Variants in DOCK1 observed in about 807,000 individuals in gnomAD.
DOCK1 encodes dedicator of cytokinesis 1.
In DOCK1, 138 loss-of-function variants were observed where a neutral mutation model predicts 262.7. That is an observed-to-expected ratio of 0.53 (90% confidence interval 0.46 to 0.61). The LOEUF (loss-of-function observed/expected upper bound fraction) is 0.61, where lower values mean the gene tolerates loss of function less well. Ranked by LOEUF, DOCK1 falls within the 20% of genes least tolerant of loss-of-function variation. The pLI, the probability that DOCK1 is intolerant of heterozygous loss-of-function variation, is 0.00. For missense variants in DOCK1, 1,908 were observed against 2,370.7 expected (o/e 0.80, Z 4.05); for synonymous variants, 866 against 867.4 (o/e 1.00, Z 0.03).
At position 127,376,380 on chromosome 10, in the gene DOCK1, T is replaced by C. The variant is rs182598566; in HGVS notation, c.3675+2166T>C. On this transcript the variant is annotated intron_variant, in intron 35 of 51. Coordinates refer to ENST00000623213, the MANE Select transcript of DOCK1 (RefSeq NM_001290223.2). ...ATGCATCATGTGTCTTAGGCTACTG[T>C]AGAAATTACTGGTCTCTGATGTCTG... is the stretch of plus-strand genomic sequence containing the variant. Among the ~76,000 whole-genome samples, 198 of 152,334 alleles carry C rather than the reference T, an allele frequency of 1.3e-3. 1 individual carries two copies. The highest frequency in any genetic ancestry group is 4.1e-3 in the African/African-American group (169 of 41,578).
intron 42 of DOCK1, among the ~76,000 whole-genome samples, chr10:127,410,264 G>T (rs1217628852): frequency 6.6e-6 from 1 of 152,168 alleles, no homozygotes; most frequent in Non-Finnish European, 1.5e-5. Flanking sequence ...GAGGCCTTAA[G>T]CAAATAGTGA....
intron 38 of DOCK1, among the ~76,000 whole-genome samples, chr10:127,398,064 G>T (rs2067019292): frequency 6.6e-6 from 1 of 152,186 alleles, no homozygotes; most frequent in Non-Finnish European, 1.5e-5. Context: ...TGAAGTGGCT[G>T]ATCCATCTTG....
intron 27 of DOCK1, among the ~76,000 whole-genome samples, chr10:127,205,491 T>C (rs536212665): frequency 1.3e-5 from 2 of 152,316 alleles, no homozygotes; most frequent in South Asian, 4.1e-4. Flanking sequence ...AGATTAAAGC[T>C]GAACTCAGAC....
intron 23 of DOCK1, among the ~76,000 whole-genome samples, chr10:127,083,213 A>G (rs553405530): frequency 6.5e-4 from 99 of 152,330 alleles, no homozygotes; most frequent in African/African-American, 2.2e-3. Flanking sequence ...ACAGGTTCCA[A>G]CACTTTCTGG....
chr10:127,274,872 G>C (rs2489407), intron 29 of DOCK1, among the ~76,000 whole-genome samples: 46,311 of 151,984 alleles, frequency 0.3, 8,240 homozygotes, highest in South Asian at 0.55. Flanking sequence ...TGTGGGGTAG[G>C]GTGTGCTTTG....
intron 7 of DOCK1, chr10:126,997,856 A>T: frequency 2.0e-6 from 1 of 504,804 alleles, no homozygotes. Context: ...GACACCTGAA[A>T]GTTTTGTATC....
At chr10:127,383,785 G>A (rs999937609) in intron 37 of DOCK1, among the ~76,000 whole-genome samples, 9 of 152,214 alleles carry the variant, frequency 5.9e-5, no homozygotes, top group Non-Finnish European at 1.3e-4. Flanking sequence ...CTCTCCTAGG[G>A]CCAGCAATAA....
chr10:126,921,916 GAA>G (rs2033239848), intron 1 of DOCK1, among the ~76,000 whole-genome samples: 1 of 151,950 alleles, frequency 6.6e-6, no homozygotes, highest in African/African-American at 2.4e-5. Context: ...TAATTTATAA[GAA>G]AAGAGGTATA....
chr10:126,977,511 A>G (rs981285139), intron 2 of DOCK1, among the ~76,000 whole-genome samples: 1 of 152,082 alleles, frequency 6.6e-6, no homozygotes, highest in Non-Finnish European at 1.5e-5. Flanking sequence ...TTCTCTCTCA[A>G]TGGGTTTTCT....
At chr10:127,056,764 G>T (rs1203744856) in intron 22 of DOCK1, among the ~76,000 whole-genome samples, 1 of 152,116 alleles carries the variant, frequency 6.6e-6, no homozygotes, top group Admixed American at 6.5e-5. Context: ...TCATTCCTGA[G>T]GGGAGAGAAG....
intron 23 of DOCK1, among the ~76,000 whole-genome samples, chr10:127,075,686 A>G (rs2046488233): frequency 6.6e-6 from 1 of 152,096 alleles, no homozygotes; most frequent in Non-Finnish European, 1.5e-5. Context: ...AGTGACACAC[A>G]CTTTAAACCA....
At chr10:127,116,871 C>G (rs936158632) in intron 25 of DOCK1, among the ~76,000 whole-genome samples, 15 of 152,172 alleles carry the variant, frequency 9.9e-5, no homozygotes, top group African/African-American at 3.4e-4. Flanking sequence ...CTGATGACTT[C>G]TGATGAACGG....
At chr10:127,042,845 T>C (rs1351083476) in intron 20 of DOCK1, 131 bp downstream of exon 20, 7 of 992,930 alleles carry the variant, frequency 7.0e-6, no homozygotes, top group Non-Finnish European at 1.1e-5. Flanking sequence ...CAATCAGAGA[T>C]GAATTGGGGT....
At chr10:127,431,186 AC>A (rs1258670672) in intron 47 of DOCK1, among the ~76,000 whole-genome samples, 1 of 152,162 alleles carries the variant, frequency 6.6e-6, no homozygotes, top group Non-Finnish European at 1.5e-5. Context: ...CACCAGCCCT[AC>A]TTTCAGTCAC....
intron 1 of DOCK1, among the ~76,000 whole-genome samples, chr10:126,941,616 C>A (rs1462789178): frequency 6.6e-6 from 1 of 152,056 alleles, no homozygotes; most frequent in African/African-American, 2.4e-5. Flanking sequence ...ATTAGCCAGG[C>A]GTGGTGGCGG....
At chr10:127,385,713 G>A (rs373940934) in intron 38 of DOCK1, among the ~76,000 whole-genome samples, 6 of 152,294 alleles carry the variant, frequency 3.9e-5, no homozygotes, top group South Asian at 2.1e-4. Flanking sequence ...TGGCGTGGCC[G>A]CCCCCTCTGA....
At chr10:127,177,812 A>C (rs1237100235) in intron 27 of DOCK1, among the ~76,000 whole-genome samples, 1 of 152,230 alleles carries the variant, frequency 6.6e-6, no homozygotes, top group African/African-American at 2.4e-5. Flanking sequence ...CTGCTCGTTC[A>C]CATACAGAAT....
At chr10:127,029,781 G>A (rs184722434) in intron 16 of DOCK1, among the ~76,000 whole-genome samples, 63 of 152,272 alleles carry the variant, frequency 4.1e-4, no homozygotes, top group Admixed American at 2.2e-3. Context: ...ACTACTTACT[G>A]GTAGGGTCAG....
intron 33 of DOCK1, 74 bp from the exon 34 acceptor site, chr10:127,373,707 T>G (rs2065335030): frequency 7.4e-7 from 1 of 1,360,000 alleles, no homozygotes. Flanking sequence ...CCGATTTATG[T>G]TCTATTGACA....
Sources: gnomAD v4.1 joint callset for allele counts (sites outside exome capture counted in the v4.1 genomes callset) on GRCh38, gnomAD v4.1.1 for gene constraint, MANE v1.5 for transcripts, NCBI Gene and HGNC (gene_info 2026-07-23, HGNC 2026-07-21) for gene names.